The following VAV3 variants were observed in gnomAD, a reference collection of about 807,000 sequenced individuals.
The protein encoded by VAV3 is guanine nucleotide exchange factor VAV3.
VAV3 carries 94 observed loss-of-function variants against 131.2 expected under a neutral mutation model. The observed-to-expected ratio is 0.72, with a 90% CI of 0.61 to 0.85. The LOEUF is 0.85. Among genes scored for constraint, VAV3 ranks in the 40% least tolerant of loss-of-function variants. VAV3 has a pLI of 0.00. For synonymous variants in VAV3, 349 were observed against 342.0 expected (o/e 1.02, Z -0.22); for missense variants, 939 against 1,002.7 (o/e 0.94, Z 0.86).
chr1:107,947,002 G>A (rs903207303), intron 1 of VAV3, among the ~76,000 whole-genome samples: 12 of 152,170 alleles, frequency 7.9e-5, no homozygotes, highest in Admixed American at 7.9e-4. Flanking sequence ...TCCTCCAGAG[G>A]AAGCCAAGGG....
chr1:107,578,451 C>T (rs1649806981), intron 25 of VAV3, among the ~76,000 whole-genome samples: 1 of 152,106 alleles, frequency 6.6e-6, no homozygotes, highest in Non-Finnish European at 1.5e-5. Flanking sequence ...CAGGATGCCA[C>T]CTCCATTTTA....
intron 20 of VAV3, among the ~76,000 whole-genome samples, chr1:107,637,389 G>C (rs371655950): frequency 2.6e-5 from 4 of 152,256 alleles, no homozygotes; most frequent in African/African-American, 9.6e-5. Flanking sequence ...TTGGGAGGCT[G>C]AGGAGGGCAG....
rs778513668 is a variant in VAV3, at chr1:107,749,003, T to C, written c.1467A>G (p.Leu489=). The C allele has an allele frequency of 6.2e-7, 1 of 1,612,186 alleles. No homozygotes were observed. Among genetic ancestry groups the C allele is most frequent in the South Asian group, 1.1e-5 (1 of 90,812 alleles). Residue 489 remains leucine, a synonymous_variant, in exon 15 of 27, where the codon TTA becomes TTG. Coordinates refer to ENST00000370056, the MANE Select transcript of VAV3 (RefSeq NM_006113.5). The stretch of plus-strand genomic sequence containing the variant: ...CAAACTGTTCTAGCCATTTCTTCTT[T>C]AAATCTTTTGTTTTGCAATAAAATT... The part of the protein sequence containing the change: ...GLEFYCKTKD[L]KKKWLEQFEM...
chr1:107,660,485 C>T (rs186366051), intron 19 of VAV3, among the ~76,000 whole-genome samples: 3 of 152,154 alleles, frequency 2.0e-5, no homozygotes, highest in African/African-American at 7.2e-5. Context: ...GACGGAAATA[C>T]GCACCAGGCC....
At chr1:107,584,104 A>G (rs1650298835) in intron 25 of VAV3, among the ~76,000 whole-genome samples, 1 of 151,934 alleles carries the variant, frequency 6.6e-6, no homozygotes, top group Non-Finnish European at 1.5e-5. Context: ...ATAACACCGC[A>G]TATCTACAAC....
At chr1:107,940,101 C>A (rs1673914936) in intron 1 of VAV3, among the ~76,000 whole-genome samples, 1 of 152,122 alleles carries the variant, frequency 6.6e-6, no homozygotes, top group East Asian at 1.9e-4. Context: ...ATTTCGTATT[C>A]TATATTACCA....
intron 18 of VAV3, among the ~76,000 whole-genome samples, chr1:107,685,531 G>C (rs1047840027): frequency 6.6e-6 from 1 of 151,946 alleles, no homozygotes; most frequent in Non-Finnish European, 1.5e-5. Context: ...TTATACTTTA[G>C]GTTCTTCCTC....
At chr1:107,860,261 C>T (rs1265470572) in intron 2 of VAV3, among the ~76,000 whole-genome samples, 1 of 152,138 alleles carries the variant, frequency 6.6e-6, no homozygotes, top group Non-Finnish European at 1.5e-5. Context: ...CCTGGGACTA[C>T]ACATGCATGG....
chr1:107,657,932 C>T (rs888688385), intron 19 of VAV3, among the ~76,000 whole-genome samples: 7 of 152,014 alleles, frequency 4.6e-5, no homozygotes, highest in African/African-American at 1.7e-4. Flanking sequence ...TACAGCCATA[C>T]GAGAGGAAAT....
chr1:107,925,417 A>G (rs1270188168), intron 1 of VAV3, among the ~76,000 whole-genome samples: 2 of 152,236 alleles, frequency 1.3e-5, no homozygotes, highest in Non-Finnish European at 2.9e-5. Context: ...CCAAAAGATT[A>G]AAGAAACTCA....
At chr1:107,638,613 A>G (rs895987296) in intron 20 of VAV3, among the ~76,000 whole-genome samples, 43 of 152,202 alleles carry the variant, frequency 2.8e-4, no homozygotes, top group Admixed American at 2.7e-3. Context: ...ATATTGATCT[A>G]CAATTCAATG....
At chr1:107,813,053 G>A (rs1017100054) in intron 2 of VAV3, among the ~76,000 whole-genome samples, 1 of 151,188 alleles carries the variant, frequency 6.6e-6, no homozygotes, top group African/African-American at 2.4e-5. Context: ...AACCCAGGAG[G>A]CAGAGCTGGC....
chr1:107,945,714 C>A (rs1674221941), intron 1 of VAV3, among the ~76,000 whole-genome samples: 1 of 150,912 alleles, frequency 6.6e-6, no homozygotes. Context: ...CCCAGCTATT[C>A]AAGAGGCTGA....
rs190251352 is a variant in VAV3, at chr1:107,767,294, T to C, written c.718-744A>G. Among the ~76,000 whole-genome samples, 306 of 152,342 alleles carry C rather than the reference T, an allele frequency of 2.0e-3. 1 individual carries two copies. Among genetic ancestry groups the C allele is most frequent in the Non-Finnish European group, 3.6e-3 (245 of 68,034 alleles). On this transcript the variant is annotated intron_variant, in intron 7 of 26. Coordinates refer to ENST00000370056, the MANE Select transcript of VAV3 (RefSeq NM_006113.5). Reference sequence around the variant, plus strand: ...TCAGTCAGGCAGTAAATACATGTCATAGCCAGGATATGAGGCAACTTGAAC... The same window carrying C: ...TCAGTCAGGCAGTAAATACATGTCACAGCCAGGATATGAGGCAACTTGAAC...
intron 18 of VAV3, 101 bp from the exon 19 acceptor site, chr1:107,683,634 C>T (rs531641854): frequency 1.7e-6 from 2 of 1,173,870 alleles, no homozygotes; most frequent in African/African-American, 3.0e-5. Context: ...ATGAATGTTG[C>T]ACATTTTCCA....
intron 1 of VAV3, among the ~76,000 whole-genome samples, chr1:107,961,906 C>G (rs972966888): frequency 6.6e-6 from 1 of 152,154 alleles, no homozygotes; most frequent in Non-Finnish European, 1.5e-5. Flanking sequence ...AGAAGGCTAA[C>G]AGAGAATAGA....
chr1:107,760,902 C>G (rs376448032), intron 9 of VAV3, 23 bp from the exon 10 acceptor site: 2 of 1,568,928 alleles, frequency 1.3e-6, no homozygotes, highest in East Asian at 2.2e-5. Context: ...TTTAAAAACA[C>G]TTTGTTAGGG....
intron 1 of VAV3, among the ~76,000 whole-genome samples, chr1:107,939,551 A>T (rs1673884319): frequency 1.3e-5 from 2 of 152,120 alleles, no homozygotes; most frequent in Admixed American, 1.3e-4. Context: ...CATTTTTTGG[A>T]TATAGTGTTT....
At chr1:107,765,955 T>C (rs894752989) in intron 8 of VAV3, among the ~76,000 whole-genome samples, 1 of 152,126 alleles carries the variant, frequency 6.6e-6, no homozygotes, top group African/African-American at 2.4e-5. Context: ...CCAATTCCTA[T>C]AGGTTGTCAG....
Sources: gnomAD v4.1 joint callset for allele counts (sites outside exome capture counted in the v4.1 genomes callset) on GRCh38, gnomAD v4.1.1 for gene constraint, MANE v1.5 for transcripts, NCBI Gene and HGNC (gene_info 2026-07-23, HGNC 2026-07-21) for gene names.